The following APP variants were observed in gnomAD, a reference collection of about 807,000 sequenced individuals.
The protein encoded by APP is amyloid beta precursor protein, also known as amyloid-beta precursor protein.
APP carries 31 observed loss-of-function variants against 101.4 expected under a neutral mutation model. That is an observed-to-expected ratio of 0.31 (90% CI 0.23 to 0.41). The LOEUF (loss-of-function observed/expected upper bound fraction) is 0.41, where lower values mean the gene tolerates loss of function less well. APP is among the 10% of genes least tolerant of loss of function. The pLI, the probability that APP is intolerant of heterozygous loss-of-function variation, is 1.00. For synonymous variants in APP, 366 were observed against 364.4 expected, an observed-to-expected ratio of 1.00 and a Z score of -0.05; for missense variants, 839 against 1,003.7, an observed-to-expected ratio of 0.84 and a Z score of 2.22.
chr21:26,041,500 A>T (rs972626725), intron 5 of APP, among the ~76,000 whole-genome samples: 6 of 152,244 alleles, frequency 3.9e-5, no homozygotes, highest in African/African-American at 1.4e-4. Context: ...ATGCATCAGT[A>T]GCTTAGGATC....
intron 16 of APP, among the ~76,000 whole-genome samples, chr21:25,896,867 G>C (rs2038084358): frequency 6.6e-6 from 1 of 152,176 alleles, no homozygotes. Context: ...GGAATGAAAA[G>C]AAAGAGCTGG....
intron 11 of APP, among the ~76,000 whole-genome samples, chr21:25,972,642 T>C (rs2042075150): frequency 5.0e-3 from 1 of 200 alleles, no homozygotes; most frequent in Non-Finnish European, 0.012. Context: ...GTTCAAGTGA[T>C]CTCCTATCTC....
chr21:25,881,730 C>G lies in APP; in HGVS notation c.2253G>C (p.Lys751Asn), dbSNP rs1381242897. Reference protein sequence around the residue: ...AVTPEERHLSKMQQNGYENPT... With the variant: ...AVTPEERHLSNMQQNGYENPT... ...GATTTTCGTAGCCGTTCTGCTGCAT[C>G]TTGGACAGGTGGCGCTCCTCTGGGG... Residue 751 changes from lysine to asparagine, a missense_variant, in exon 18 of 18, where the codon AAG (lysine) becomes AAC (asparagine). Transcript: ENST00000346798. 8 of 1,613,994 alleles carry G rather than the reference C, an allele frequency of 5.0e-6. No homozygotes were observed. Among genetic ancestry groups the G allele is most frequent in the Non-Finnish European group, 8.5e-7 (1 of 1,180,032 alleles).
At chr21:25,887,517 G>GAAAAAAA (rs199637906) in intron 17 of APP, among the ~76,000 whole-genome samples, 60 of 114,416 alleles carry the variant, frequency 5.2e-4, no homozygotes, top group East Asian at 1.9e-3. Context: ...CTGCTTATTT[G>GAAAAAAA]AAAAAAAAAA....
chr21:26,039,624 A>G (rs1253403521), intron 5 of APP, among the ~76,000 whole-genome samples: 1 of 152,246 alleles, frequency 6.6e-6, no homozygotes, highest in Non-Finnish European at 1.5e-5. Context: ...TATATGCTCA[A>G]CATTCACTTC....
At position 25,897,686 on chromosome 21, in the gene APP, ATAAT is replaced by A; in HGVS notation, c.1964-17_1964-14del. On this transcript the variant is annotated splice_polypyrimidine_tract_variant and intron_variant, in intron 15 of 17. Transcript: ENST00000346798. ...GTCAACCCAGAACCTGTATTACATC[ATAAT>A]TAAAGTATGCAGGACAACCAATTAG... 2 of 1,596,654 alleles carry A rather than the reference ATAAT, an allele frequency of 1.3e-6. No homozygotes were observed. Among genetic ancestry groups the A allele is most frequent in the Middle Eastern group, 1.7e-4 (1 of 6,024 alleles).
intron 13 of APP, among the ~76,000 whole-genome samples, chr21:25,951,173 C>G (rs1353717860): frequency 2.0e-5 from 3 of 152,196 alleles, no homozygotes; most frequent in East Asian, 3.9e-4. Flanking sequence ...CATGATGAAC[C>G]CTATGCTCTG....
chr21:25,916,013 C>T (rs1023340072), intron 13 of APP, among the ~76,000 whole-genome samples: 4 of 151,860 alleles, frequency 2.6e-5, no homozygotes, highest in African/African-American at 9.7e-5. Context: ...GGAAGAAATC[C>T]ACATTCCTAT....
intron 3 of APP, among the ~76,000 whole-genome samples, chr21:26,085,111 A>G (rs1360258804): frequency 3.9e-5 from 6 of 152,228 alleles, no homozygotes; most frequent in Non-Finnish European, 8.8e-5. Flanking sequence ...AACACTGATA[A>G]GATTTCTTTT....
At chr21:25,985,005 C>T (rs573042928) in intron 8 of APP, among the ~76,000 whole-genome samples, 6 of 152,052 alleles carry the variant, frequency 3.9e-5, no homozygotes, top group African/African-American at 9.6e-5. Flanking sequence ...CTATGGTTTG[C>T]GAACACTGTC....
At chr21:25,889,992 AAATT>A (rs1460318864) in intron 17 of APP, among the ~76,000 whole-genome samples, 2 of 152,244 alleles carry the variant, frequency 1.3e-5, no homozygotes, top group Non-Finnish European at 2.9e-5. Flanking sequence ...ATTTTTTTAA[AAATT>A]AATTTGAGCA....
At chr21:26,033,695 A>C (rs955097430) in intron 5 of APP, among the ~76,000 whole-genome samples, 5 of 152,206 alleles carry the variant, frequency 3.3e-5, no homozygotes, top group Admixed American at 3.3e-4. Flanking sequence ...GTTGTATTGC[A>C]ACAAACATGA....
intron 8 of APP, among the ~76,000 whole-genome samples, chr21:25,994,146 A>C (rs1208439994): frequency 6.6e-6 from 1 of 152,122 alleles, no homozygotes; most frequent in East Asian, 1.9e-4. Flanking sequence ...AAATGGTCAC[A>C]CTCTCATATT....
chr21:25,924,800 G>A (rs1840641823), intron 13 of APP, among the ~76,000 whole-genome samples: 1 of 151,212 alleles, frequency 6.6e-6, no homozygotes, highest in African/African-American at 2.4e-5. Flanking sequence ...AAAAAGCTCT[G>A]ATTTGGACAC....
chr21:25,930,693 G>A (rs2040109598), intron 13 of APP, among the ~76,000 whole-genome samples: 1 of 152,098 alleles, frequency 6.6e-6, no homozygotes, highest in African/African-American at 2.4e-5. Flanking sequence ...GTTTATTTAT[G>A]CAGATTTTAA....
At chr21:26,152,211 G>A (rs1282432114) in intron 1 of APP, among the ~76,000 whole-genome samples, 2 of 148,950 alleles carry the variant, frequency 1.3e-5, no homozygotes, top group Non-Finnish European at 3.0e-5. Context: ...CGTGAACCCG[G>A]GAGGCGGAGC....
chr21:26,095,724 C>T (rs1007473915), intron 2 of APP, among the ~76,000 whole-genome samples: 4 of 152,164 alleles, frequency 2.6e-5, no homozygotes, highest in African/African-American at 9.7e-5. Context: ...TGCAGCATCT[C>T]AAATCTTACA....
intron 2 of APP, among the ~76,000 whole-genome samples, chr21:26,102,098 T>TC (rs1184276265): frequency 1.3e-4 from 7 of 55,256 alleles, no homozygotes; most frequent in Middle Eastern, 9.4e-3. Context: ...TTTTTTTTTT[T>TC]TTTTTTGGAG....
At chr21:26,057,056 G>A (rs553273366) in intron 3 of APP, among the ~76,000 whole-genome samples, 40 of 152,226 alleles carry the variant, frequency 2.6e-4, no homozygotes, top group Non-Finnish European at 5.4e-4. Context: ...ATCTTTGCTA[G>A]GACAGCAGTT....
Sources: allele counts gnomAD v4.1 joint callset (sites outside exome capture counted in the v4.1 genomes callset), GRCh38; gene constraint gnomAD v4.1.1; transcripts MANE v1.5; gene names NCBI Gene and HGNC (gene_info 2026-07-23, HGNC 2026-07-21).